TRMT11: variants seen among roughly 807,000 people sequenced by gnomAD.
The protein encoded by TRMT11 is tRNA (guanine(10)-N(2))-methyltransferase TRMT11.
In TRMT11, 53 loss-of-function variants were observed where a neutral mutation model predicts 62.8. The observed-to-expected ratio is 0.84, with a 90% CI of 0.68 to 1.06. The LOEUF (loss-of-function observed/expected upper bound fraction) is 1.06, where lower values mean the gene tolerates loss of function less well. Ranked by LOEUF, TRMT11 falls within the 50% of genes least tolerant of loss-of-function variation. TRMT11 has a pLI of 0.00. For synonymous variants in TRMT11, 188 were observed against 190.3 expected (o/e 0.99, Z 0.10); for missense variants, 556 against 553.4 (o/e 1.00, Z -0.05).
chr6:126,181,720 G>A (rs867074434), intron 1 of TRMT11, among the ~76,000 whole-genome samples: 20 of 152,276 alleles, frequency 1.3e-4, no homozygotes, highest in Middle Eastern at 6.8e-3. Context: ...GAAGAAGAGG[G>A]TGTTTTCCAA....
intron 19 of TRMT11, among the ~76,000 whole-genome samples, chr6:126,115,073 C>T (rs1442989524): frequency 6.6e-6 from 1 of 152,084 alleles, no homozygotes; most frequent in Non-Finnish European, 1.5e-5. Context: ...CCTCCATATA[C>T]TGTGCTCCTT....
chr6:126,080,082 A>G (rs1419914234), intron 17 of TRMT11, among the ~76,000 whole-genome samples: 1 of 150,290 alleles, frequency 6.7e-6, no homozygotes, highest in Non-Finnish European at 1.5e-5. Context: ...AACCAACTCT[A>G]GTTCTGTTTT....
chr6:126,030,277 G>A (rs1489397606), intron 12 of TRMT11, among the ~76,000 whole-genome samples: 4 of 152,158 alleles, frequency 2.6e-5, no homozygotes, highest in African/African-American at 9.7e-5. Context: ...GGGAAGCTTT[G>A]ATAAGGAGAG....
chr6:126,271,363 CAAAAAAAAAAAA>C, the TRMT11 span, among the ~76,000 whole-genome samples: 4 of 36,266 alleles, frequency 1.1e-4, no homozygotes, highest in African/African-American at 3.1e-4. Context: ...GACTCCATCT[CAAAAAAAAAAAA>C]AAAAAAAAAA....
the TRMT11 span, among the ~76,000 whole-genome samples, chr6:126,212,828 G>C: frequency 2.0e-5 from 3 of 151,924 alleles, no homozygotes; most frequent in African/African-American, 7.2e-5. Flanking sequence ...TGTGCTTGTG[G>C]GGTATTAAGA....
At chr6:126,128,065 G>A (rs1446617741) in intron 21 of TRMT11, among the ~76,000 whole-genome samples, 2 of 152,016 alleles carry the variant, frequency 1.3e-5, no homozygotes, top group African/African-American at 4.8e-5. Flanking sequence ...TGATAATAAT[G>A]CAATATTAAT....
intron 12 of TRMT11, among the ~76,000 whole-genome samples, chr6:126,023,158 GCCATTAAA>G (rs1469763515): frequency 2.0e-5 from 3 of 151,686 alleles, no homozygotes; most frequent in Admixed American, 1.3e-4. Context: ...ATGATGATTT[GCCATTAAA>G]CCATTAAACA....
chr6:126,156,290 G>A (rs1160914223), intron 21 of TRMT11, among the ~76,000 whole-genome samples: 1 of 152,158 alleles, frequency 6.6e-6, no homozygotes, highest in Non-Finnish European at 1.5e-5. Flanking sequence ...AGCTCCACTA[G>A]GCAGTGTCAT....
the TRMT11 span, among the ~76,000 whole-genome samples, chr6:126,263,505 T>G: frequency 1.3e-5 from 2 of 152,222 alleles, no homozygotes; most frequent in Non-Finnish European, 2.9e-5. Context: ...AATATCTTAA[T>G]GCTATGTGGA....
At chr6:126,195,448 T>C (rs7759341) in intron 1 of TRMT11, among the ~76,000 whole-genome samples, 79,444 of 151,998 alleles carry the variant, frequency 0.52, 22,291 homozygotes, top group African/African-American at 0.72. Flanking sequence ...TGTTTATTAT[T>C]ACAGACTTTG....
At chr6:126,263,859 C>T in the TRMT11 span, among the ~76,000 whole-genome samples, 7 of 152,098 alleles carry the variant, frequency 4.6e-5, no homozygotes, top group South Asian at 2.1e-4. Flanking sequence ...GAAAGGTTAG[C>T]GATTAAGAGC....
intron 1 of TRMT11, among the ~76,000 whole-genome samples, chr6:126,178,674 A>C (rs1325663807): frequency 2.0e-5 from 3 of 152,180 alleles, no homozygotes; most frequent in Admixed American, 2.0e-4. Context: ...TAGGGTCACC[A>C]TGTAGAAAAA....
chr6:126,232,054 C>A, the TRMT11 span, among the ~76,000 whole-genome samples: 1 of 152,052 alleles, frequency 6.6e-6, no homozygotes, highest in Non-Finnish European at 1.5e-5. Context: ...TATGGTAAAT[C>A]TTCTGGTGGG....
intron 17 of TRMT11, among the ~76,000 whole-genome samples, chr6:126,078,129 A>G (rs1056325843): frequency 1.3e-5 from 2 of 152,188 alleles, no homozygotes; most frequent in South Asian, 2.1e-4. Context: ...TAGCCCATCC[A>G]TTCTTATAAA....
intron 10 of TRMT11, 21 bp downstream of exon 10, chr6:126,012,873 A>T (rs1051364618): frequency 6.2e-7 from 1 of 1,609,568 alleles, no homozygotes; most frequent in African/African-American, 1.3e-5. Flanking sequence ...TTTAAATATG[A>T]TGTGTTACTA....
chr6:126,269,036 C>T, the TRMT11 span, among the ~76,000 whole-genome samples: 17 of 151,304 alleles, frequency 1.1e-4, no homozygotes, highest in Admixed American at 6.6e-4. Context: ...CCGAGGCGGG[C>T]GGATCACGAG....
At chr6:126,231,377 C>G in the TRMT11 span, among the ~76,000 whole-genome samples, 2 of 151,940 alleles carry the variant, frequency 1.3e-5, no homozygotes, top group African/African-American at 2.4e-5. Flanking sequence ...AAAAAACTTG[C>G]AGACAAACCA....
intron 17 of TRMT11, among the ~76,000 whole-genome samples, chr6:126,072,802 T>C (rs1486358465): frequency 4.6e-5 from 7 of 152,150 alleles, no homozygotes; most frequent in Non-Finnish European, 7.3e-5. Context: ...TCCTCTCTCT[T>C]ATGTTTCTTC....
intron 17 of TRMT11, among the ~76,000 whole-genome samples, chr6:126,075,774 A>C (rs1196681397): frequency 6.7e-6 from 1 of 150,012 alleles, no homozygotes; most frequent in African/African-American, 2.5e-5. Flanking sequence ...CCACTCAAAT[A>C]AAGTTTATTT....
Sources: gnomAD v4.1 joint callset for allele counts (sites outside exome capture counted in the v4.1 genomes callset) on GRCh38, gnomAD v4.1.1 for gene constraint, MANE v1.5 for transcripts, NCBI Gene and HGNC (gene_info 2026-07-23, HGNC 2026-07-21) for gene names.